ZNF433: variants seen among roughly 807,000 people sequenced by gnomAD.
ZNF433 encodes the protein zinc finger protein 433.
In ZNF433, 12 loss-of-function variants were observed where a neutral mutation model predicts 10.6. The ratio of observed to expected loss-of-function variants is 1.13; its 90% confidence interval spans 0.72 to 1.83. The LOEUF is 1.83. ZNF433 is among the 40% of genes most tolerant of loss of function. ZNF433 has a pLI of 0.00. For synonymous variants in ZNF433, 272 were observed against 271.3 expected, an observed-to-expected ratio of 1.00 and a Z score of -0.02; for missense variants, 737 against 798.0, an observed-to-expected ratio of 0.92 and a Z score of 0.92.
chr19:12,027,082 A>G lies in ZNF433; in HGVS notation c.3+8455T>C, dbSNP rs762297796. On this transcript the variant is annotated intron_variant, in intron 1 of 3. Coordinates refer to ENST00000550507, the MANE Select transcript of ZNF433 (RefSeq NM_001308348.2). ...ACTTGGATATTGCAAAATTAAAAGA[A>G]CAAATATTTAAAGCATCCCAGGCAC... The G allele has an allele frequency of 1.1e-5, 5 of 449,174 alleles. No homozygotes were observed. In the East Asian group the frequency reaches 2.8e-4, roughly 25 times the overall value. 27.8% of individuals were successfully genotyped at this position (449,174 alleles called of 1,614,324 possible). A position where few individuals can be genotyped will look rare whatever the true frequency, so the allele number is the denominator to read the frequency against.
intron 3 of ZNF433, 28 bp downstream of exon 3, chr19:12,017,848 A>G: frequency 5.7e-6 from 8 of 1,400,198 alleles, no homozygotes; most frequent in Non-Finnish European, 7.9e-6. Flanking sequence ...CTAGAGACAC[A>G]CGTCTTTGTC....
At position 12,018,397 on chromosome 19, in the gene ZNF433, A is replaced by G. The variant is rs1271111216; in HGVS notation, c.4-105T>C. 4.4e-6 allele frequency: 6 copies of G among 1,349,108 alleles called. No individual in the cohort carries two copies. In the East Asian group the frequency reaches 1.0e-4, roughly 23 times the overall value. 83.6% of individuals were successfully genotyped at this position (1,349,108 alleles called of 1,614,324 possible). On this transcript the variant is annotated intron_variant, in intron 1 of 3. Transcript: ENST00000550507. ...TCCATGATGCTGTGGACTCAAAACA[A>G]TTATTCCATGACCATCAGACCTCAT...
chr19:12,014,958 C>T lies in ZNF433; in HGVS notation c.1900G>A (p.Gly634Arg), dbSNP rs1974082447. The change falls in exon 4 of 4, where the codon GGA (glycine) becomes AGA (arginine). Residue 634 changes from glycine to arginine, a missense_variant. Coordinates refer to ENST00000550507, the MANE Select transcript of ZNF433 (RefSeq NM_001308348.2). ...GGTTTCTCTCCAGTGTGAGTCCTTC[C>T]ATGCCTTCGAAGGTTTGAGGGACAT... Reference protein sequence around the residue: ...FGCPSNLRRHGRTHTGEKPYK... With the variant: ...FGCPSNLRRHRRTHTGEKPYK... 1.6e-5 allele frequency: 26 copies of T among 1,613,916 alleles called. No homozygotes were observed. Among genetic ancestry groups the T allele is most frequent in the Non-Finnish European group, 1.9e-5 (23 of 1,179,960 alleles).
At position 12,033,699 on chromosome 19, in the gene ZNF433, G is replaced by A. The variant is rs150447140; in HGVS notation, c.3+1838C>T. ...TAGCCAGGCGTGGTGACGGGCTCCT[G>A]TAGTCCCAGCTACTTGGGAGGCTGA... On this transcript the variant is annotated intron_variant, in intron 1 of 3. Coordinates refer to ENST00000550507, the MANE Select transcript of ZNF433 (RefSeq NM_001308348.2). Among the ~76,000 whole-genome samples, 291 of 147,736 alleles carry A rather than the reference G, an allele frequency of 2.0e-3. 3 individuals carry two copies. The highest frequency in any genetic ancestry group is 5.6e-3 in the South Asian group (26 of 4,642).
At chr19:12,026,935 A>C (rs773923606) in intron 1 of ZNF433, 2 of 454,150 alleles carry the variant, frequency 4.4e-6, no homozygotes, top group South Asian at 3.1e-5. Flanking sequence ...TGGCACCTCA[A>C]CCTCAAATGA....
In ZNF433 at chr19:12,015,360, C is replaced by G. The variant is rs933917201; in HGVS notation, c.1498G>C (p.Gly500Arg). Residue 500 changes from glycine (G) to arginine (R), a missense_variant, in exon 4 of 4, where the codon GGA (glycine) becomes CGA (arginine). Physicochemically the swap from Gly to Arg is moderately radical, Grantham distance 125. Coordinates refer to ENST00000550507, the MANE Select transcript of ZNF433 (RefSeq NM_001308348.2). ...FHRHERTHTG[G>R]KTYECKQCGR... is the part of the protein sequence containing the mutation. ...CACTGCTTGCATTCATAGGTTTTTC[C>G]TCCAGTGTGAGTCCTTTCATGTCTA... is the stretch of plus-strand genomic sequence containing the variant. 3.7e-6 allele frequency: 6 copies of G among 1,613,950 alleles called. No homozygotes were observed. Among genetic ancestry groups the G allele is most frequent in the Admixed American group, 1.7e-5 (1 of 59,992 alleles).
chr19:12,014,907 C>CAA lies in ZNF433; in HGVS notation c.1950_1951insTT (p.Val651LeufsTer18). ...TGAAGTTGTGAAGAACATCTAAAGA[C>CAA]TTTACCACATTGGTTACATTTATAG... On this transcript the variant is annotated frameshift_variant, in exon 4 of 4. Transcript: ENST00000550507. LOFTEE classifies it low-confidence loss of function (END_TRUNC). 6.2e-7 allele frequency: 1 copy of CAA among 1,613,528 alleles called. No homozygotes were observed. Among genetic ancestry groups the CAA allele is most frequent in the Non-Finnish European group, 8.5e-7 (1 of 1,179,662 alleles).
At position 12,015,287 on chromosome 19, in the gene ZNF433, G is replaced by A. The variant is rs766930077; in HGVS notation, c.1571C>T (p.Thr524Ile). The change falls in exon 4 of 4, where the codon ACT becomes ATT. Residue 524 changes from threonine (T) to isoleucine (I), a missense_variant. Coordinates refer to ENST00000550507, the MANE Select transcript of ZNF433 (RefSeq NM_001308348.2). Reference sequence around the variant, plus strand: ...TTCATAGGGTTTCTCTCCAGTGTGAGTCCTTCCATGATATCGAAAGGAGCT... The same window carrying A: ...TTCATAGGGTTTCTCTCCAGTGTGAATCCTTCCATGATATCGAAAGGAGCT... ...CSSSFRYHGR[T>I]HTGEKPYECK... 27 of 1,613,902 alleles carry A rather than the reference G, an allele frequency of 1.7e-5. No homozygotes were observed. In the South Asian group the frequency reaches 2.9e-4, roughly 17 times the overall value.
At position 12,015,690 on chromosome 19, in the gene ZNF433, G is replaced by A. The variant is rs748855520; in HGVS notation, c.1168C>T (p.Pro390Ser). Residue 390 changes from proline (P) to serine (S), a missense_variant, in exon 4 of 4, where the codon CCC becomes TCC. Pro to Ser is a moderately conservative substitution (Grantham distance 74). Coordinates refer to ENST00000550507, the MANE Select transcript of ZNF433 (RefSeq NM_001308348.2). Reference protein sequence around the residue: ...THEKTHTGEKPYKCNQCGKAF... With the variant: ...THEKTHTGEKSYKCNQCGKAF... ...TTACCACATTGGTTGCATTTATAGG[G>A]TTTCTCTCCAGTGTGAGTTTTTTCA... The A allele has an allele frequency of 2.5e-6, 4 of 1,613,820 alleles. No homozygotes were observed. Among genetic ancestry groups the A allele is most frequent in the Non-Finnish European group, 3.4e-6 (4 of 1,179,966 alleles).
At position 12,015,007 on chromosome 19, in the gene ZNF433, A is replaced by G; in HGVS notation, c.1851T>C (p.Cys617=). 6.2e-7 allele frequency: 1 copy of G among 1,613,474 alleles called. No homozygotes were observed. ...ATCCAAAAGCTTTCCCACATTGCTT[A>G]CATTTATACGGTTTCTCTCCAGTGT... ...RTHTGEKPYK[C]KQCGKAFGCP... The change falls in exon 4 of 4, where the codon TGT becomes TGC. Residue 617 remains cysteine (C), a synonymous_variant. Transcript: ENST00000550507.
chr19:12,024,376 A>C (rs1005447895), intron 1 of ZNF433: 1 of 152,270 alleles, frequency 6.6e-6, no homozygotes, highest in Non-Finnish European at 1.5e-5. Context: ...CAATTCCTGC[A>C]ATAAACAACC....
chr19:12,020,449 A>G (rs1002025155), intron 1 of ZNF433, among the ~76,000 whole-genome samples: 1 of 152,178 alleles, frequency 6.6e-6, no homozygotes, highest in African/African-American at 2.4e-5. Flanking sequence ...GTATTCATAA[A>G]ATAATAAAAT....
chr19:12,021,292 T>C (rs746248180), intron 1 of ZNF433, among the ~76,000 whole-genome samples: 3 of 151,900 alleles, frequency 2.0e-5, no homozygotes, highest in Non-Finnish European at 2.9e-5. Context: ...GGACTCCTTC[T>C]TTGACCAAAC....
At chr19:12,034,898 G>C in intron 1 of ZNF433, 1 of 454,548 alleles carries the variant, frequency 2.2e-6, no homozygotes, top group Non-Finnish European at 4.4e-6. Flanking sequence ...AAACAGTCTT[G>C]AGCCGCCTCG....
At position 12,035,621 on chromosome 19, in the gene ZNF433, T is replaced by G. The variant is rs1975257592; in HGVS notation, c.-82A>C. The G allele has an allele frequency of 6.6e-7, 1 of 1,524,542 alleles. No homozygotes were observed. Among genetic ancestry groups the G allele is most frequent in the African/African-American group, 1.4e-5 (1 of 71,316 alleles). 94.4% of individuals were successfully genotyped at this position (1,524,542 alleles called of 1,614,324 possible). On this transcript the variant is annotated 5_prime_UTR_variant, in exon 1 of 4. Coordinates refer to ENST00000550507, the MANE Select transcript of ZNF433 (RefSeq NM_001308348.2). ...AGCTATGGCAGAGGCACCTGAACCC[T>G]CTCGGAGGGGAAAGCCAGGCTCCCA...
chr19:12,026,033 G>A (rs1195657101), intron 1 of ZNF433: 1 of 152,348 alleles, frequency 6.6e-6, no homozygotes, highest in Non-Finnish European at 1.5e-5. Context: ...TTTTGAGCCT[G>A]CCTAAAGGCC....
At chr19:12,017,202 T>G (rs562514214) in intron 3 of ZNF433, among the ~76,000 whole-genome samples, 2 of 151,784 alleles carry the variant, frequency 1.3e-5, no homozygotes, top group East Asian at 3.9e-4. Context: ...TGGTTTTTTT[T>G]GTTTTGTTTT....
chr19:12,025,729 G>A (rs1346331204), intron 1 of ZNF433: 4 of 152,234 alleles, frequency 2.6e-5, no homozygotes, highest in African/African-American at 7.2e-5. Flanking sequence ...TGCCAAACAG[G>A]AGAGTCTTCT....
chr19:12,021,397 T>C (rs1159402708), intron 1 of ZNF433, among the ~76,000 whole-genome samples: 3 of 152,062 alleles, frequency 2.0e-5, no homozygotes, highest in African/African-American at 7.2e-5. Flanking sequence ...ACAGAGAATC[T>C]CTCCCACCAA....
Sources: allele counts gnomAD v4.1 joint callset (sites outside exome capture counted in the v4.1 genomes callset), GRCh38; gene constraint gnomAD v4.1.1; transcripts MANE v1.5; gene names NCBI Gene and HGNC (gene_info 2026-07-23, HGNC 2026-07-21).